The following CAMTA1 variants were observed in gnomAD, a reference collection of about 807,000 sequenced individuals.
CAMTA1 encodes calmodulin binding transcription activator 1, also known as calmodulin-binding transcription activator 1.
CAMTA1 carries 27 observed loss-of-function variants against 170.9 expected under a neutral mutation model. That is an observed-to-expected ratio of 0.16 (90% CI 0.12 to 0.22). The LOEUF (loss-of-function observed/expected upper bound fraction) is 0.22, where lower values mean the gene tolerates loss of function less well. Among genes scored for constraint, CAMTA1 ranks in the 10% least tolerant of loss-of-function variants. The pLI is 1.00. For synonymous variants in CAMTA1, 833 were observed against 891.5 expected (o/e 0.93, Z 1.17); for missense variants, 1,619 against 2,217.2 (o/e 0.73, Z 5.42).
intron 3 of CAMTA1, among the ~76,000 whole-genome samples, chr1:6,947,457 C>T (rs979524128): frequency 1.3e-5 from 2 of 151,854 alleles, no homozygotes; most frequent in Non-Finnish European, 2.9e-5. Context: ...CTCACTGCAA[C>T]CTCCACCTTC....
intron 4 of CAMTA1, among the ~76,000 whole-genome samples, chr1:7,177,983 G>C (rs1026600284): frequency 6.6e-6 from 1 of 150,666 alleles, no homozygotes; most frequent in Admixed American, 6.6e-5. Flanking sequence ...CCCTCCCCAC[G>C]CGTGGAGGCT....
chr1:6,866,500 C>T (rs957249754), intron 3 of CAMTA1, among the ~76,000 whole-genome samples: 1 of 152,042 alleles, frequency 6.6e-6, no homozygotes, highest in Non-Finnish European at 1.5e-5. Context: ...TGTTGTTTTA[C>T]TTTTTATATT....
rs754470638 is a variant in CAMTA1 at position 7,663,684 on chromosome 1, A to G, written c.1137A>G (p.Thr379=). 62 of 1,613,940 alleles carry G rather than the reference A, an allele frequency of 3.8e-5. No homozygotes were observed. The highest frequency in any genetic ancestry group is 5.3e-5 in the Non-Finnish European group (62 of 1,180,022). Residue 379 remains threonine, a synonymous_variant, in exon 9 of 23, where the codon ACA becomes ACG. Coordinates refer to ENST00000303635, the MANE Select transcript of CAMTA1 (RefSeq NM_015215.4). The stretch of plus-strand genomic sequence containing the variant: ...ACATGGTGGACAGCCCGGTGGTCAC[A>G]GGTGTGTCCGGTATGGCGGTGGCCT... ...DPDMVDSPVV[T]GVSGMAVASV...
At position 6,887,685 on chromosome 1, in the gene CAMTA1, C is replaced by T. The variant is rs1383739037; in HGVS notation, c.234+62475C>T. On this transcript the variant is annotated intron_variant, in intron 3 of 22. Coordinates refer to ENST00000303635, the MANE Select transcript of CAMTA1 (RefSeq NM_015215.4). The surrounding 1 kb of genome is among the most constrained non-coding windows in gnomAD (Gnocchi z 4.1). ...ACCACACACTTGTTCATGGGCGCAG[C>T]AAAGAAGAGGGATCCACAGAGCTGG... 6.5e-7 allele frequency: 1 copy of T among 1,535,254 alleles called. No individual in the cohort carries two copies. The highest frequency in any genetic ancestry group is 2.0e-5 in the Admixed American group (1 of 50,986).
chr1:7,588,034 T>C lies in CAMTA1; in HGVS notation c.511-52366T>C. Among the ~76,000 whole-genome samples the C allele has an allele frequency of 6.6e-6, 1 of 152,146 alleles. No homozygotes were observed. The highest frequency in any genetic ancestry group is 1.9e-4 in the East Asian group (1 of 5,186). ...CCTGGCCATTCATTCCTCGTTCAAG[T>C]GCGTGTGGCAGCCTCCACCGTGCAG... On this transcript the variant is annotated intron_variant, in intron 6 of 22. Coordinates refer to ENST00000303635, the MANE Select transcript of CAMTA1 (RefSeq NM_015215.4). This position sits in a 1 kb window ranked among gnomAD's most constrained non-coding sequence, Gnocchi z 5.8.
chr1:7,549,647 G>A (rs1280145284), intron 6 of CAMTA1, among the ~76,000 whole-genome samples: 2 of 152,158 alleles, frequency 1.3e-5, no homozygotes, highest in African/African-American at 4.8e-5. Flanking sequence ...CTATCAATCA[G>A]ACAATGTCCT....
chr1:7,550,825 G>A (rs1432659329), intron 6 of CAMTA1, among the ~76,000 whole-genome samples: 39 of 57,578 alleles, frequency 6.8e-4, no homozygotes, highest in Admixed American at 1.1e-3. Flanking sequence ...CCTACCACCC[G>A]GCCCCCTCAC....
At chr1:7,590,653 C>T (rs935811054) in intron 6 of CAMTA1, among the ~76,000 whole-genome samples, 7 of 152,192 alleles carry the variant, frequency 4.6e-5, no homozygotes, top group Admixed American at 2.0e-4. Context: ...CACCAGACAG[C>T]GCTAATTTTG....
rs928892067 is a variant in CAMTA1, at chr1:6,918,812, A to C, written c.234+93602A>C. ...CCCCAGCCTGTCACCCTGTGGCTGG[A>C]GGGTGGCTTGCTGCCACTTGATGCA... On this transcript the variant is annotated intron_variant, in intron 3 of 22. Transcript: ENST00000303635. This position sits in a 1 kb window ranked among gnomAD's most constrained non-coding sequence, Gnocchi z 4.0. Among the ~76,000 whole-genome samples the C allele has an allele frequency of 1.3e-5, 2 of 152,158 alleles. No individual in the cohort carries two copies. The highest frequency in any genetic ancestry group is 2.4e-5 in the African/African-American group (1 of 41,432).
intron 4 of CAMTA1, among the ~76,000 whole-genome samples, chr1:7,135,991 T>C (rs1244383515): frequency 6.6e-6 from 1 of 152,160 alleles, no homozygotes; most frequent in Non-Finnish European, 1.5e-5. Flanking sequence ...AAGCCAACTT[T>C]TTACTTTCTG....
At chr1:7,055,752 G>A (rs1048485676) in intron 3 of CAMTA1, among the ~76,000 whole-genome samples, 8 of 152,178 alleles carry the variant, frequency 5.3e-5, no homozygotes, top group African/African-American at 1.4e-4. Flanking sequence ...GCCCCAGTCC[G>A]TTTGCTCACT....
intron 3 of CAMTA1, among the ~76,000 whole-genome samples, chr1:7,017,621 G>A (rs888572287): frequency 6.6e-6 from 1 of 152,156 alleles, no homozygotes; most frequent in Non-Finnish European, 1.5e-5. Context: ...GAAGAGGTGC[G>A]TGTTATCATG....
At chr1:7,720,556 A>G (rs1277071869) in intron 11 of CAMTA1, among the ~76,000 whole-genome samples, 1 of 151,926 alleles carries the variant, frequency 6.6e-6, no homozygotes, top group African/African-American at 2.4e-5. Context: ...TAAATTTTGT[A>G]TTTTTAGTAG....
At chr1:7,029,150 G>A (rs532422128) in intron 3 of CAMTA1, among the ~76,000 whole-genome samples, 4 of 152,248 alleles carry the variant, frequency 2.6e-5, no homozygotes, top group African/African-American at 9.6e-5. Flanking sequence ...CTGAATATGG[G>A]CGTAATGCAT....
At position 7,428,891 on chromosome 1, in the gene CAMTA1, G is replaced by A. The variant is rs980302216; in HGVS notation, c.439-38939G>A. Among the ~76,000 whole-genome samples, 10 of 152,324 alleles carry A rather than the reference G, an allele frequency of 6.6e-5. No homozygotes were observed. The South Asian group carries it at 2.1e-3, about 32-fold the overall frequency. ...GCACCACTGTAAGGGCTCAGTGGGTGTTTATTATTAAATGTTATTTTCTCT... is the reference window on the plus strand; with the variant it reads ...GCACCACTGTAAGGGCTCAGTGGGTATTTATTATTAAATGTTATTTTCTCT... On this transcript the variant is annotated intron_variant, in intron 5 of 22. Transcript: ENST00000303635.
intron 6 of CAMTA1, among the ~76,000 whole-genome samples, chr1:7,520,747 GC>G (rs2094355047): frequency 6.6e-6 from 1 of 152,174 alleles, no homozygotes; most frequent in Non-Finnish European, 1.5e-5. Context: ...GAGCCACACA[GC>G]CTCGTGCATC....
At chr1:6,910,552 A>G (rs1037856579) in intron 3 of CAMTA1, among the ~76,000 whole-genome samples, 2 of 152,140 alleles carry the variant, frequency 1.3e-5, no homozygotes, top group African/African-American at 4.8e-5. Context: ...CTTGAAAGGA[A>G]AATGCTAATG....
intron 6 of CAMTA1, among the ~76,000 whole-genome samples, chr1:7,524,056 G>T (rs1284405825): frequency 1.3e-5 from 2 of 151,636 alleles, no homozygotes; most frequent in African/African-American, 2.4e-5. Flanking sequence ...ACAAAAATTA[G>T]CTGGGCATGG....
intron 1 of CAMTA1, 34 bp downstream of exon 1, chr1:6,785,609 C>A: frequency 2.0e-6 from 2 of 987,940 alleles, no homozygotes; most frequent in South Asian, 4.4e-5. Flanking sequence ...TGGGGGGCGG[C>A]GCGGCGGGCG....
Sources: allele counts gnomAD v4.1 joint callset (sites outside exome capture counted in the v4.1 genomes callset), GRCh38; gene constraint gnomAD v4.1.1; non-coding constraint Gnocchi (gnomAD v3.1); transcripts MANE v1.5; gene names NCBI Gene and HGNC (gene_info 2026-07-23, HGNC 2026-07-21).